The following DGKG variants were observed in gnomAD, a reference collection of about 807,000 sequenced individuals.
DGKG encodes DAG kinase gamma.
Under a neutral mutation model 105.3 loss-of-function variants are expected in DGKG, and 78 were observed. That is an observed-to-expected ratio of 0.74 (90% CI 0.62 to 0.89). The LOEUF (loss-of-function observed/expected upper bound fraction) is 0.89. DGKG is among the 40% of genes least tolerant of loss of function. The probability of loss-of-function intolerance (pLI) is 0.00; values close to 1 mark genes in which losing one functional copy is unlikely to be tolerated. For synonymous variants in DGKG, 346 were observed against 367.1 expected, an observed-to-expected ratio of 0.94 and a Z score of 0.66; for missense variants, 958 against 1,020.1, an observed-to-expected ratio of 0.94 and a Z score of 0.83.
At chr3:186,223,672 G>A (rs1198989728) in intron 20 of DGKG, among the ~76,000 whole-genome samples, 5 of 152,108 alleles carry the variant, frequency 3.3e-5, no homozygotes, top group East Asian at 3.8e-4. Flanking sequence ...AGAAGACTGC[G>A]GTAGACCCTG....
intron 15 of DGKG, 65 bp downstream of exon 15, chr3:186,261,634 A>G (rs996661171): frequency 2.1e-5 from 24 of 1,155,620 alleles, no homozygotes; most frequent in East Asian, 1.7e-4. Context: ...TGTTCCTGCC[A>G]AGGGGAGGAA....
chr3:186,351,961 T>C (rs1726651618), intron 1 of DGKG, among the ~76,000 whole-genome samples: 1 of 152,186 alleles, frequency 6.6e-6, no homozygotes, highest in African/African-American at 2.4e-5. Context: ...TTCTGAACAT[T>C]GGCATAGTTG....
At chr3:186,228,888 C>T (rs562098002) in intron 20 of DGKG, among the ~76,000 whole-genome samples, 1 of 152,062 alleles carries the variant, frequency 6.6e-6, no homozygotes, top group Non-Finnish European at 1.5e-5. Context: ...TGAATTGTGT[C>T]CCCCCCAAAA....
At chr3:186,280,865 G>C in intron 7 of DGKG, 121 bp from the exon 8 acceptor site, 1 of 737,372 alleles carries the variant, frequency 1.4e-6, no homozygotes, top group Non-Finnish European at 2.3e-6. Flanking sequence ...GAAGAAGCTG[G>C]TGCAGTAACT....
intron 9 of DGKG, among the ~76,000 whole-genome samples, chr3:186,278,805 C>G (rs1722702194): frequency 6.6e-6 from 1 of 152,172 alleles, no homozygotes; most frequent in South Asian, 2.1e-4. Context: ...CCCTGTTCCT[C>G]TCTATGGAAT....
chr3:186,169,726 A>C (rs1371298279), intron 22 of DGKG, among the ~76,000 whole-genome samples: 2 of 152,222 alleles, frequency 1.3e-5, no homozygotes, highest in Non-Finnish European at 2.9e-5. Flanking sequence ...CAAGTTCAAA[A>C]TGAACTTCAA....
intron 15 of DGKG, among the ~76,000 whole-genome samples, chr3:186,261,270 G>C (rs903023410): frequency 1.3e-5 from 2 of 152,150 alleles, no homozygotes; most frequent in African/African-American, 4.8e-5. Context: ...CGCTGAACTG[G>C]GCATTTCAGC....
At chr3:186,245,357 G>C (rs1720889920) in intron 19 of DGKG, among the ~76,000 whole-genome samples, 1 of 152,138 alleles carries the variant, frequency 6.6e-6, no homozygotes, top group South Asian at 2.1e-4. Context: ...TGAGGGTGAA[G>C]ACTCTGACCA....
intron 20 of DGKG, among the ~76,000 whole-genome samples, chr3:186,225,098 T>C (rs1279303759): frequency 6.6e-6 from 1 of 152,026 alleles, no homozygotes; most frequent in Non-Finnish European, 1.5e-5. Flanking sequence ...TGTATTTTAT[T>C]TACTTATTTT....
At position 186,148,283 on chromosome 3, in the gene DGKG, G is replaced by T; in HGVS notation, c.*1807C>A. 1 of 985,460 alleles carries T rather than the reference G, an allele frequency of 1.0e-6. No individual in the cohort carries two copies. The highest frequency in any genetic ancestry group is 1.2e-6 in the Non-Finnish European group (1 of 829,962). The allele number at this position is 985,460 out of a possible 1,614,324, so 61.0% of individuals were successfully genotyped here. On this transcript the variant is annotated 3_prime_UTR_variant, in exon 25 of 25. Transcript: ENST00000265022. ...TGCAGAAGACGCCTCAGTCCTTCTT[G>T]TGACTCTCCACTGAGGTCATCCCTG... is the stretch of plus-strand genomic sequence containing the variant.
At chr3:186,234,557 A>C (rs1290899561) in intron 20 of DGKG, among the ~76,000 whole-genome samples, 1 of 152,222 alleles carries the variant, frequency 6.6e-6, no homozygotes, top group Non-Finnish European at 1.5e-5. Flanking sequence ...GCGTGCTTTC[A>C]AGTTCCTTCT....
intron 3 of DGKG, among the ~76,000 whole-genome samples, chr3:186,299,813 CTT>C (rs1723803730): frequency 1.9e-4 from 19 of 98,020 alleles, no homozygotes; most frequent in Middle Eastern, 4.3e-3. Context: ...TTCTTTCTTT[CTT>C]TCTTTCTTTC....
rs200884659 is a variant in DGKG, at chr3:186,253,161, T to C, written c.1532A>G (p.His511Arg). The change falls in exon 18 of 25, where the codon CAT (histidine) becomes CGT (arginine). Residue 511 changes from histidine (H) to arginine (R), a missense_variant. Transcript: ENST00000265022. ...AAGAGGCAGGACAGCCACTGGTGGA[T>C]GCTTTGCAAAGTTGGCCTTATCTGC... ...DCIDKANFAK[H>R]PPVAVLPLGT... The C allele has an allele frequency of 1.4e-4, 234 of 1,614,198 alleles. No homozygotes were observed. Among genetic ancestry groups the C allele is most frequent in the Admixed American group, 2.0e-4 (12 of 60,026 alleles).
At chr3:186,297,375 A>T in intron 5 of DGKG, 46 bp downstream of exon 5, 6 of 1,403,286 alleles carry the variant, frequency 4.3e-6, no homozygotes, top group Non-Finnish European at 6.1e-6. Flanking sequence ...CCCAAGGATG[A>T]GGTATTCCCT....
chr3:186,218,942 T>C (rs1187181714), intron 20 of DGKG, among the ~76,000 whole-genome samples: 2 of 152,094 alleles, frequency 1.3e-5, no homozygotes, highest in African/African-American at 4.8e-5. Flanking sequence ...GATAATAGAC[T>C]AGCATTGGAT....
intron 19 of DGKG, among the ~76,000 whole-genome samples, chr3:186,250,557 C>CTTTTTTTTTTTTTTTTTTTTTT (rs10529645): frequency 8.6e-6 from 1 of 116,178 alleles, no homozygotes; most frequent in African/African-American, 3.3e-5. Flanking sequence ...TTCTGTCATT[C>CTTTTTTTTTTTTTTTTTTTTTT]TTTTTTTTTT....
In DGKG at chr3:186,203,310, A is replaced by G. The variant is rs1718564878; in HGVS notation, c.1917+8485T>C. Reference sequence around the variant, plus strand: ...AGAGGTCCTCAGGAGGCCTGATGATAAAGAAACAAGGGCTAACATTACCCT... The same window carrying G: ...AGAGGTCCTCAGGAGGCCTGATGATGAAGAAACAAGGGCTAACATTACCCT... On this transcript the variant is annotated intron_variant, in intron 21 of 24. Coordinates refer to ENST00000265022, the MANE Select transcript of DGKG (RefSeq NM_001346.3). The surrounding 1 kb of genome is among the most constrained non-coding windows in gnomAD (Gnocchi z 4.9). Among the ~76,000 whole-genome samples, 1 of 152,250 alleles carries G rather than the reference A, an allele frequency of 6.6e-6. No individual in the cohort carries two copies. Among genetic ancestry groups the G allele is most frequent in the Admixed American group, 6.5e-5 (1 of 15,276 alleles).
intron 4 of DGKG, 49 bp downstream of exon 4, chr3:186,298,015 G>A: frequency 6.4e-7 from 1 of 1,556,404 alleles, no homozygotes. Flanking sequence ...CTGTGGCAGG[G>A]GATGAGAGCT....
At chr3:186,177,938 A>T (rs1394952514) in intron 22 of DGKG, among the ~76,000 whole-genome samples, 1 of 150,950 alleles carries the variant, frequency 6.6e-6, no homozygotes, top group Admixed American at 6.5e-5. Flanking sequence ...AATTTCCAAT[A>T]TGATGGTATT....
Sources: allele counts gnomAD v4.1 joint callset (sites outside exome capture counted in the v4.1 genomes callset), GRCh38; gene constraint gnomAD v4.1.1; non-coding constraint Gnocchi (gnomAD v3.1); transcripts MANE v1.5; gene names NCBI Gene and HGNC (gene_info 2026-07-23, HGNC 2026-07-21).